Variants in LCE1E observed in about 807,000 individuals in gnomAD.
LCE1E encodes late cornified envelope 1E.
For synonymous variants in LCE1E, 61 were observed against 55.0 expected, an observed-to-expected ratio of 1.11 and a Z score of -0.48; for missense variants, 144 against 144.3, an observed-to-expected ratio of 1.00 and a Z score of 0.01.
intron 1 of LCE1E, 138 bp from the exon 2 acceptor site, chr1:152,787,140 G>C: frequency 1.2e-6 from 1 of 854,552 alleles, no homozygotes. Flanking sequence ...GCAAAGAGAT[G>C]ATGAGAGAAT....
At chr1:152,787,141 A>G in intron 1 of LCE1E, 137 bp from the exon 2 acceptor site, 1 of 857,672 alleles carries the variant, frequency 1.2e-6, no homozygotes, top group South Asian at 1.6e-5. Flanking sequence ...CAAAGAGATG[A>G]TGAGAGAATT....
intron 1 of LCE1E, 39 bp from the exon 2 acceptor site, chr1:152,787,239 C>T: frequency 6.3e-7 from 1 of 1,589,936 alleles, no homozygotes; most frequent in East Asian, 2.2e-5. Flanking sequence ...CAGAGGTGGC[C>T]TCTGCCTAGG....
At chr1:152,787,229 C>T (rs1651871850) in intron 1 of LCE1E, 49 bp from the exon 2 acceptor site, 1 of 1,523,782 alleles carries the variant, frequency 6.6e-7, no homozygotes, top group African/African-American at 1.4e-5. Context: ...GTCAGAGGGG[C>T]AGAGGTGGCC....
rs1651910105 is a variant in LCE1E at position 152,788,391 on chromosome 1, GCAATAAAATT to G, written c.*746_*755del. ...ACATTTAGTGCTGTATAATTTGCAT[GCAATAAAATT>G]CAATAAAATTAAATGTAAAATTAAA... On this transcript the variant is annotated 3_prime_UTR_variant, in exon 2 of 2. Transcript: ENST00000368770. 1.4e-5 allele frequency: 2 copies of G among 145,636 alleles called. 1 individual carries two copies. 9.0% of individuals were successfully genotyped at this position (145,636 alleles called of 1,614,324 possible). A position where few individuals can be genotyped will look rare whatever the true frequency, so the allele number is the denominator to read the frequency against.
rs1245965416 is a variant in LCE1E at position 152,787,846 on chromosome 1, C to G, written c.*190C>G. 2.0e-5 allele frequency: 13 copies of G among 662,502 alleles called. No homozygotes were observed. The East Asian group carries it at 3.3e-4, about 17-fold the overall frequency. 41.0% of individuals were successfully genotyped at this position (662,502 alleles called of 1,614,324 possible). On this transcript the variant is annotated 3_prime_UTR_variant, in exon 2 of 2. Transcript: ENST00000368770. ...GCCCTGGGAACTCCAAAGCACACAC[C>G]TACTTCCTCCCCAGCTCACGCTGCT...
Position 152,787,691 on chromosome 1 carries a change from C to T in LCE1E, c.*35C>T. On this transcript the variant is annotated 3_prime_UTR_variant, in exon 2 of 2. Coordinates refer to ENST00000368770, the MANE Select transcript of LCE1E (RefSeq NM_178353.2). ...TGACTTCCTCTTCCTTCTGATTCTGCCTGAATAGCTGAGAGGTTCCAGCAA... is the reference window on the plus strand; with the variant it reads ...TGACTTCCTCTTCCTTCTGATTCTGTCTGAATAGCTGAGAGGTTCCAGCAA... 6.6e-7 allele frequency: 1 copy of T among 1,523,938 alleles called. No individual in the cohort carries two copies. The highest frequency in any genetic ancestry group is 1.3e-5 in the South Asian group (1 of 76,074). The allele number at this position is 1,523,938 out of a possible 1,614,324, so 94.4% of individuals were successfully genotyped here. A position where few individuals can be genotyped will look rare whatever the true frequency, so the allele number is the denominator to read the frequency against.
In LCE1E at chr1:152,787,638, C is replaced by T. The variant is rs1570853540; in HGVS notation, c.339C>T (p.His113=). ...SSCCGGGSGQ[H]SGGCC is the part of the protein sequence containing the mutation. Reference sequence around the variant, plus strand: ...GCTGTGGAGGGGGCAGCGGCCAGCACTCTGGAGGCTGCTGCTGAAGTGGAC... The same window carrying T: ...GCTGTGGAGGGGGCAGCGGCCAGCATTCTGGAGGCTGCTGCTGAAGTGGAC... The change falls in exon 2 of 2, where the codon CAC becomes CAT. Residue 113 remains histidine (H), a synonymous_variant. Coordinates refer to ENST00000368770, the MANE Select transcript of LCE1E (RefSeq NM_178353.2). The T allele has an allele frequency of 6.3e-7, 1 of 1,577,548 alleles. No homozygotes were observed. Among genetic ancestry groups the T allele is most frequent in the Non-Finnish European group, 8.6e-7 (1 of 1,163,154 alleles).
At position 152,788,200 on chromosome 1, in the gene LCE1E, A is replaced by C; in HGVS notation, c.*544A>C. 1 of 150,816 alleles carries C rather than the reference A, an allele frequency of 6.6e-6. No individual in the cohort carries two copies. 9.3% of individuals were successfully genotyped at this position (150,816 alleles called of 1,614,324 possible). On this transcript the variant is annotated 3_prime_UTR_variant, in exon 2 of 2. Transcript: ENST00000368770. The stretch of plus-strand genomic sequence containing the variant: ...CAGGCATGGCCAGGAGGCCGACTTC[A>C]TCCTCCTTCCCACTATCACCTCTTC...
chr1:152,787,419 C>T lies in LCE1E; in HGVS notation c.120C>T (p.Val40=), dbSNP rs373631509. 2.5e-5 allele frequency: 41 copies of T among 1,614,018 alleles called. No homozygotes were observed. Among genetic ancestry groups the T allele is most frequent in the Non-Finnish European group, 3.2e-5 (38 of 1,180,034 alleles). The change falls in exon 2 of 2, where the codon GTC becomes GTT. Residue 40 remains valine, a synonymous_variant. Transcript: ENST00000368770. The part of the protein sequence containing the change: ...PPKCPPKCPP[V]SSCCSVSSGG... Reference sequence around the variant, plus strand: ...AGTGTCCCCCTAAGTGCCCTCCAGTCTCTTCCTGCTGCAGTGTCAGCTCCG... The same window carrying T: ...AGTGTCCCCCTAAGTGCCCTCCAGTTTCTTCCTGCTGCAGTGTCAGCTCCG...
At position 152,787,713 on chromosome 1, in the gene LCE1E, G is replaced by A. The variant is rs192452196; in HGVS notation, c.*57G>A. 17 of 1,507,600 alleles carry A rather than the reference G, an allele frequency of 1.1e-5. No homozygotes were observed. The East Asian group carries it at 3.4e-4, about 30-fold the overall frequency. 93.4% of individuals were successfully genotyped at this position (1,507,600 alleles called of 1,614,324 possible). A position where few individuals can be genotyped will look rare whatever the true frequency, so the allele number is the denominator to read the frequency against. ...CTGCCTGAATAGCTGAGAGGTTCCA[G>A]CAAAAGCTTGAAGTCTTGCCTGGAG... On this transcript the variant is annotated 3_prime_UTR_variant, in exon 2 of 2. Transcript: ENST00000368770.
At chr1:152,786,953 G>A (rs1651863663) in intron 1 of LCE1E, among the ~76,000 whole-genome samples, 1 of 152,148 alleles carries the variant, frequency 6.6e-6, no homozygotes, top group South Asian at 2.1e-4. Flanking sequence ...TTCTCTTTAA[G>A]AAATAATTTT....
chr1:152,786,382 C>G (rs968077431), intron 1 of LCE1E, 75 bp downstream of exon 1: 14 of 152,576 alleles, frequency 9.2e-5, no homozygotes, highest in African/African-American at 3.4e-4. Context: ...GAGTGGTGGG[C>G]AGGGCTTCCA....
intron 1 of LCE1E, 132 bp downstream of exon 1, chr1:152,786,439 G>T (rs72702899): frequency 0.19 from 28,317 of 152,470 alleles, 3,304 homozygotes; most frequent in South Asian, 0.32. Flanking sequence ...ATAACTGGTT[G>T]GCTGTGCCTT....
At position 152,786,293 on chromosome 1, in the gene LCE1E, C is replaced by G. The variant is rs1244190802; in HGVS notation, c.-37C>G. The G allele has an allele frequency of 1.3e-5, 2 of 152,404 alleles. No individual in the cohort carries two copies. The highest frequency in any genetic ancestry group is 2.9e-5 in the Non-Finnish European group (2 of 68,184). The allele number at this position is 152,404 out of a possible 1,614,324, so 9.4% of individuals were successfully genotyped here. A position where few individuals can be genotyped will look rare whatever the true frequency, so the allele number is the denominator to read the frequency against. ...TCCTGAGGTGCCGAAGGACCCTGTG[C>G]TGCCTGTGACTTTGGTATGTGTCCT... is the stretch of plus-strand genomic sequence containing the variant. On this transcript the variant is annotated 5_prime_UTR_variant, in exon 1 of 2. Transcript: ENST00000368770.
chr1:152,786,875 G>T (rs1651861814), intron 1 of LCE1E, among the ~76,000 whole-genome samples: 1 of 152,150 alleles, frequency 6.6e-6, no homozygotes, highest in African/African-American at 2.4e-5. Flanking sequence ...TAATATCCAA[G>T]ATCTTTTGTA....
In LCE1E at chr1:152,787,780, C is replaced by T. The variant is rs1651894032; in HGVS notation, c.*124C>T. The T allele has an allele frequency of 3.3e-6, 4 of 1,204,764 alleles. No individual in the cohort carries two copies. Among genetic ancestry groups the T allele is most frequent in the Admixed American group, 2.5e-5 (1 of 40,616 alleles). 74.6% of individuals were successfully genotyped at this position (1,204,764 alleles called of 1,614,324 possible). A position where few individuals can be genotyped will look rare whatever the true frequency, so the allele number is the denominator to read the frequency against. On this transcript the variant is annotated 3_prime_UTR_variant, in exon 2 of 2. Transcript: ENST00000368770. ...TGTCAGGAAACCCAAAATCTTTCTC[C>T]TTAATGGCATTTAGAGACTTTCTTC... is the stretch of plus-strand genomic sequence containing the variant.
intron 1 of LCE1E, 163 bp downstream of exon 1, chr1:152,786,470 T>C (rs1232629721): frequency 1.3e-5 from 2 of 152,278 alleles, no homozygotes; most frequent in African/African-American, 4.8e-5. Flanking sequence ...AAAAAACTGC[T>C]GTAGGGTGGA....
chr1:152,786,580 T>C (rs1403984913), intron 1 of LCE1E, among the ~76,000 whole-genome samples: 2 of 152,168 alleles, frequency 1.3e-5, no homozygotes, highest in Non-Finnish European at 2.9e-5. Flanking sequence ...ACCTTGTCCC[T>C]GTCTGCAAGG....
chr1:152,786,982 T>C (rs1482624379), intron 1 of LCE1E, among the ~76,000 whole-genome samples: 1 of 152,232 alleles, frequency 6.6e-6, no homozygotes, highest in African/African-American at 2.4e-5. Context: ...GACCTATAAA[T>C]CATATAATTT....
Sources: gnomAD v4.1 joint callset for allele counts (sites outside exome capture counted in the v4.1 genomes callset) on GRCh38, gnomAD v4.1.1 for gene constraint, MANE v1.5 for transcripts, NCBI Gene and HGNC (gene_info 2026-07-23, HGNC 2026-07-21) for gene names.